Variants in GALNT14 observed in about 807,000 individuals in gnomAD.
The protein encoded by GALNT14 is polypeptide N-acetylgalactosaminyltransferase 14.
In GALNT14, 60 loss-of-function variants were observed where a neutral mutation model predicts 77.5. The ratio of observed to expected loss-of-function variants is 0.77; its 90% CI spans 0.63 to 0.96. GALNT14 has a LOEUF of 0.96. Among genes scored for constraint, GALNT14 ranks in the 40% least tolerant of loss-of-function variants. GALNT14 has a pLI of 0.00. For missense variants in GALNT14, 710 were observed against 731.0 expected (o/e 0.97, Z 0.33); for synonymous variants, 280 against 281.7 (o/e 0.99, Z 0.06).
chr2:30,893,714 C>T, the GALNT14 span, among the ~76,000 whole-genome samples: 12 of 151,460 alleles, frequency 7.9e-5, no homozygotes, highest in East Asian at 1.9e-4. Flanking sequence ...GAAAGGGAGT[C>T]GTTGCGGAGT....
At chr2:31,090,745 G>T (rs1676690544) in intron 1 of GALNT14, among the ~76,000 whole-genome samples, 1 of 151,740 alleles carries the variant, frequency 6.6e-6, no homozygotes, top group Non-Finnish European at 1.5e-5. Context: ...GCCTCCCAAA[G>T]TGCTGGGATT....
chr2:31,112,906 G>C (rs1184043428), intron 1 of GALNT14, among the ~76,000 whole-genome samples: 2 of 152,204 alleles, frequency 1.3e-5, no homozygotes, highest in Non-Finnish European at 2.9e-5. Flanking sequence ...AGTGATCCCA[G>C]TAAGGAAGTA....
At chr2:30,992,716 C>A (rs1484141858) in intron 2 of GALNT14, 122 bp downstream of exon 2, 3 of 1,118,936 alleles carry the variant, frequency 2.7e-6, no homozygotes, top group Non-Finnish European at 3.9e-6. Context: ...TAGTGTTCAA[C>A]TGGCAGCAGA....
chr2:31,093,855 C>T (rs1377612804), intron 1 of GALNT14, among the ~76,000 whole-genome samples: 1 of 152,216 alleles, frequency 6.6e-6, no homozygotes, highest in Non-Finnish European at 1.5e-5. Context: ...CAGGCTCTTC[C>T]AAGTCCTACA....
At chr2:31,071,941 G>A (rs1163709273) in intron 1 of GALNT14, among the ~76,000 whole-genome samples, 1 of 152,192 alleles carries the variant, frequency 6.6e-6, no homozygotes, top group Non-Finnish European at 1.5e-5. Context: ...AAAGCGGCCT[G>A]GAGATGCTGA....
chr2:31,118,219 A>C (rs1678211675), intron 1 of GALNT14, among the ~76,000 whole-genome samples: 1 of 152,220 alleles, frequency 6.6e-6, no homozygotes, highest in African/African-American at 2.4e-5. Flanking sequence ...TTAAAGAATA[A>C]ATCGGCGAAA....
chr2:31,084,230 G>A (rs749710), intron 1 of GALNT14, among the ~76,000 whole-genome samples: 80,803 of 152,090 alleles, frequency 0.53, 22,289 homozygotes, highest in African/African-American at 0.68. Flanking sequence ...AACGGTCTCA[G>A]AGAGGTGGAA....
At chr2:31,091,806 T>C (rs1183246429) in intron 1 of GALNT14, among the ~76,000 whole-genome samples, 1 of 152,102 alleles carries the variant, frequency 6.6e-6, no homozygotes, top group African/African-American at 2.4e-5. Flanking sequence ...CCTGATTGGA[T>C]TGAAGGATCC....
At chr2:30,920,446 TAGG>T (rs1664959992) in intron 13 of GALNT14, among the ~76,000 whole-genome samples, 1 of 151,676 alleles carries the variant, frequency 6.6e-6, no homozygotes, top group African/African-American at 2.4e-5. Flanking sequence ...GCAGGACAAG[TAGG>T]AGGACAGAGG....
intron 1 of GALNT14, among the ~76,000 whole-genome samples, chr2:31,018,724 G>A (rs1251016191): frequency 6.6e-6 from 1 of 152,156 alleles, no homozygotes; most frequent in Non-Finnish European, 1.5e-5. Context: ...GGGGATGGAA[G>A]GATGGAAATG....
chr2:30,908,241 T>C (rs1664197410), downstream of GALNT14, among the ~76,000 whole-genome samples: 1 of 151,986 alleles, frequency 6.6e-6, no homozygotes, highest in Non-Finnish European at 1.5e-5. Context: ...AAATAAAGGG[T>C]ATTCAATTAG....
At chr2:30,904,912 T>A in the GALNT14 span, among the ~76,000 whole-genome samples, 4 of 151,572 alleles carry the variant, frequency 2.6e-5, no homozygotes, top group Non-Finnish European at 5.9e-5. Context: ...CCCTGACCCC[T>A]GAGCAGCCTA....
chr2:31,010,953 C>T (rs991524180), intron 1 of GALNT14, among the ~76,000 whole-genome samples: 1 of 152,206 alleles, frequency 6.6e-6, no homozygotes, highest in Non-Finnish European at 1.5e-5. Flanking sequence ...CCTGGCTTTT[C>T]AGAAAAGAGA....
rs1451447183 is a variant in GALNT14, at chr2:31,020,948, G to C, written c.130-27941C>G. Among the ~76,000 whole-genome samples, 4 of 152,280 alleles carry C rather than the reference G, an allele frequency of 2.6e-5. No homozygotes were observed. The East Asian group carries it at 5.8e-4, about 22-fold the overall frequency. On this transcript the variant is annotated intron_variant, in intron 1 of 14. Coordinates refer to ENST00000349752, the MANE Select transcript of GALNT14 (RefSeq NM_024572.4). ...CAGGAATGAAACCCACATCCCATGTGGCCAGCCCCTTCTCCAGCACACTCT... is the reference window on the plus strand; with the variant it reads ...CAGGAATGAAACCCACATCCCATGTCGCCAGCCCCTTCTCCAGCACACTCT...
rs1678650016 is a variant in GALNT14, at chr2:31,125,273, G to A, written c.129+12685C>T. 4.6e-6 allele frequency: 7 copies of A among 1,522,388 alleles called. No individual in the cohort carries two copies. In the African/African-American group the frequency reaches 6.9e-5, roughly 15 times the overall value. The allele number at this position is 1,522,388 out of a possible 1,614,324, so 94.3% of individuals were successfully genotyped here. A position where few individuals can be genotyped will look rare whatever the true frequency, so the allele number is the denominator to read the frequency against. ...CCAAACCTGAAAATGCCACAAGAAA[G>A]AAGAGCAACATGGTCATTTCTTTGG... On this transcript the variant is annotated intron_variant, in intron 1 of 14. Coordinates refer to ENST00000349752, the MANE Select transcript of GALNT14 (RefSeq NM_024572.4).
At chr2:30,940,846 G>A (rs1004019925) in intron 9 of GALNT14, among the ~76,000 whole-genome samples, 3 of 152,156 alleles carry the variant, frequency 2.0e-5, no homozygotes, top group Non-Finnish European at 4.4e-5. Context: ...GAAGGGATTC[G>A]ATTTTGTGTG....
chr2:30,919,221 TG>T (rs1391892068), intron 13 of GALNT14, among the ~76,000 whole-genome samples: 2 of 151,716 alleles, frequency 1.3e-5, no homozygotes, highest in African/African-American at 4.8e-5. Flanking sequence ...GGGCTTCACA[TG>T]TTTACAAACG....
intron 3 of GALNT14, among the ~76,000 whole-genome samples, chr2:30,965,746 C>T (rs574761540): frequency 3.3e-5 from 5 of 152,240 alleles, no homozygotes; most frequent in Admixed American, 2.6e-4. Context: ...TGCTGCAGGC[C>T]GTTCTGATTT....
intron 1 of GALNT14, among the ~76,000 whole-genome samples, chr2:31,096,600 T>C (rs1324156236): frequency 6.6e-6 from 1 of 152,176 alleles, no homozygotes; most frequent in African/African-American, 2.4e-5. Context: ...CTGAGAAATA[T>C]ATAGGGAAGA....
Sources: allele counts gnomAD v4.1 joint callset (sites outside exome capture counted in the v4.1 genomes callset), GRCh38; gene constraint gnomAD v4.1.1; transcripts MANE v1.5; gene names NCBI Gene and HGNC (gene_info 2026-07-23, HGNC 2026-07-21).